IL6ST: variants seen among roughly 807,000 people sequenced by gnomAD.
IL6ST encodes the protein interleukin-6 receptor subunit beta.
Under a neutral mutation model 91.3 loss-of-function variants are expected in IL6ST, and 24 were observed. The observed-to-expected ratio is 0.26, with a 90% CI of 0.19 to 0.37. The LOEUF (loss-of-function observed/expected upper bound fraction) is 0.37, where lower values mean the gene tolerates loss of function less well. Ranked by LOEUF, IL6ST falls within the 10% of genes least tolerant of loss-of-function variation. The pLI, the probability that IL6ST is intolerant of heterozygous loss-of-function variation, is 1.00. For missense variants in IL6ST, 914 were observed against 1,078.5 expected (o/e 0.85, Z 2.14); for synonymous variants, 351 against 373.6 (o/e 0.94, Z 0.70).
chr5:55,939,924 T>G lies in IL6ST; in HGVS notation c.*1158A>C, dbSNP rs1206064084. ...TGCTAAGAACAAGATGTACATTTTT[T>G]GGGGTTCTGTTTTGTTTTGGCAAAT... On this transcript the variant is annotated 3_prime_UTR_variant, in exon 17 of 17. Transcript: ENST00000381298. The G allele has an allele frequency of 4.4e-5, 9 of 206,022 alleles. No homozygotes were observed. Among genetic ancestry groups the G allele is most frequent in the East Asian group, 1.5e-4 (2 of 13,482 alleles). 12.8% of individuals were successfully genotyped at this position (206,022 alleles called of 1,614,324 possible).
Position 55,944,965 on chromosome 5 carries a change from T to C in IL6ST, c.1938-2214A>G, listed in dbSNP as rs529221599. ...GACCTGTGACATTCTGGACTATTTC[T>C]GTGTTTATTTGTGGCCGAGTGTAAC... On this transcript the variant is annotated intron_variant, in intron 15 of 16. Transcript: ENST00000381298. 4.6e-5 allele frequency among the ~76,000 whole-genome samples: 7 copies of C among 151,584 alleles called. No homozygotes were observed. In the South Asian group the frequency reaches 1.5e-3, roughly 32 times the overall value.
At chr5:55,983,000 CT>C (rs111793262) in intron 1 of IL6ST, among the ~76,000 whole-genome samples, 189 bp from the exon 2 acceptor site, 5,277 of 136,682 alleles carry the variant, frequency 0.039, 143 homozygotes, top group African/African-American at 0.097. Context: ...TATTCTAGTG[CT>C]TTTTTTTTTT....
chr5:55,958,434 T>C lies in IL6ST; in HGVS notation c.974-1143A>G, dbSNP rs371729390. On this transcript the variant is annotated intron_variant, in intron 8 of 16. Coordinates refer to ENST00000381298, the MANE Select transcript of IL6ST (RefSeq NM_002184.4). ...TTACTTATCATTGTTAAGCTTTTTG[T>C]AAAAAGTTTGTCTTAAAAAAATCAA... is the stretch of plus-strand genomic sequence containing the variant. 2.6e-5 allele frequency among the ~76,000 whole-genome samples: 4 copies of C among 151,336 alleles called. No individual in the cohort carries two copies. The East Asian group carries it at 5.8e-4, about 22-fold the overall frequency.
intron 5 of IL6ST, 62 bp downstream of exon 5, chr5:55,968,214 A>C (rs1752751686): frequency 7.3e-7 from 1 of 1,367,868 alleles, no homozygotes; most frequent in Non-Finnish European, 1.0e-6. Context: ...GTAAAATAAA[A>C]ATTCCAGCAA....
chr5:55,984,268 C>A (rs2111909062), intron 1 of IL6ST, among the ~76,000 whole-genome samples: 1 of 152,288 alleles, frequency 6.6e-6, no homozygotes, highest in African/African-American at 2.4e-5. Context: ...AACCCCTGTT[C>A]TAAATACAAT....
Position 55,938,981 on chromosome 5 carries a change from C to A in IL6ST, c.*2101G>T, listed in dbSNP as rs1462139713. Reference sequence around the variant, plus strand: ...CCTTCAATGATCCTCCATTCTCATTCCTGTAGATTAAGAGTTCATATTGTA... The same window carrying A: ...CCTTCAATGATCCTCCATTCTCATTACTGTAGATTAAGAGTTCATATTGTA... On this transcript the variant is annotated 3_prime_UTR_variant, in exon 17 of 17. Coordinates refer to ENST00000381298, the MANE Select transcript of IL6ST (RefSeq NM_002184.4). 2.0e-5 allele frequency: 4 copies of A among 204,320 alleles called. No homozygotes were observed. Among genetic ancestry groups the A allele is most frequent in the Admixed American group, 6.0e-5 (1 of 16,766 alleles). 12.7% of individuals were successfully genotyped at this position (204,320 alleles called of 1,614,324 possible).
rs1344341991 is a variant in IL6ST, at chr5:55,972,085, A to C, written c.65-2230T>G. On this transcript the variant is annotated intron_variant, in intron 3 of 16. Transcript: ENST00000381298. ...TAGACATCACTTTATTCTTTGGCAAAATCACTTGTTATACTTTCTCTAAAG... is the reference window on the plus strand; with the variant it reads ...TAGACATCACTTTATTCTTTGGCAACATCACTTGTTATACTTTCTCTAAAG... 3.9e-5 allele frequency among the ~76,000 whole-genome samples: 6 copies of C among 152,326 alleles called. No homozygotes were observed. In the South Asian group the frequency reaches 1.2e-3, roughly 32 times the overall value.
At position 55,935,265 on chromosome 5, in the gene IL6ST, A is replaced by G. The variant is rs1750435375; in HGVS notation, c.*5817T>C. ...AAAAAAAGCTCAAAAATAAGAAATG[A>G]CAATTCTAGATACACTTTTTTGACA... On this transcript the variant is annotated 3_prime_UTR_variant, in exon 17 of 17. Transcript: ENST00000381298. 1 of 186,678 alleles carries G rather than the reference A, an allele frequency of 5.4e-6. No homozygotes were observed. The highest frequency in any genetic ancestry group is 1.1e-5 in the Non-Finnish European group (1 of 88,370). 11.6% of individuals were successfully genotyped at this position (186,678 alleles called of 1,614,324 possible).
chr5:55,935,182 T>C lies in IL6ST; in HGVS notation c.*5900A>G, dbSNP rs1276438280. The stretch of plus-strand genomic sequence containing the variant: ...TTATCCCAGAAAGACTACAATTTCA[T>C]ACAGAATGCACAGATGTTTAAATAA... On this transcript the variant is annotated 3_prime_UTR_variant, in exon 17 of 17. Coordinates refer to ENST00000381298, the MANE Select transcript of IL6ST (RefSeq NM_002184.4). The C allele has an allele frequency of 5.6e-6, 1 of 179,702 alleles. No individual in the cohort carries two copies. The highest frequency in any genetic ancestry group is 1.2e-5 in the Non-Finnish European group (1 of 83,964). 11.1% of individuals were successfully genotyped at this position (179,702 alleles called of 1,614,324 possible).
chr5:55,951,776 C>G, intron 13 of IL6ST, 153 bp downstream of exon 13: 1 of 780,424 alleles, frequency 1.3e-6, no homozygotes, highest in Non-Finnish European at 2.0e-6. Flanking sequence ...AATACTTTTT[C>G]AATAAATCCA....
rs545955181 is a variant in IL6ST at position 55,935,525 on chromosome 5, T to C, written c.*5557A>G. 66 of 215,858 alleles carry C rather than the reference T, an allele frequency of 3.1e-4. No homozygotes were observed. Among genetic ancestry groups the C allele is most frequent in the African/African-American group, 1.4e-3 (64 of 44,416 alleles). 13.4% of individuals were successfully genotyped at this position (215,858 alleles called of 1,614,324 possible). A position where few individuals can be genotyped will look rare whatever the true frequency, so the allele number is the denominator to read the frequency against. ...CAGCCTTTCCATGATCTTACTAAGT[T>C]GTCCAAGAGCCAACCCCGATCAGCA... On this transcript the variant is annotated 3_prime_UTR_variant, in exon 17 of 17. Coordinates refer to ENST00000381298, the MANE Select transcript of IL6ST (RefSeq NM_002184.4).
chr5:55,946,197 C>A (rs1475061859), intron 15 of IL6ST, among the ~76,000 whole-genome samples: 4 of 152,014 alleles, frequency 2.6e-5, no homozygotes, highest in African/African-American at 9.7e-5. Context: ...TACTACACAC[C>A]CACTAGAATG....
At chr5:55,964,663 C>CTTTTTTTTTTTTTTTTTTTT (rs1752538058) in intron 5 of IL6ST, among the ~76,000 whole-genome samples, 1 of 152,102 alleles carries the variant, frequency 6.6e-6, no homozygotes, top group African/African-American at 2.4e-5. Context: ...CCACAAATTT[C>CTTTTTTTTTTTTTTTTTTTT]TTTAAGCACA....
chr5:55,988,413 C>T (rs1046309430), intron 1 of IL6ST, among the ~76,000 whole-genome samples: 13 of 152,244 alleles, frequency 8.5e-5, no homozygotes, highest in Non-Finnish European at 1.8e-4. Context: ...AACAAAACAT[C>T]ATCAAAAAAT....
intron 3 of IL6ST, among the ~76,000 whole-genome samples, chr5:55,974,064 C>A (rs564655194): frequency 1.8e-4 from 27 of 152,312 alleles, no homozygotes; most frequent in African/African-American, 6.5e-4. Flanking sequence ...AGAATTTTCA[C>A]TGATCACTAG....
At position 55,969,684 on chromosome 5, in the gene IL6ST, T is replaced by C. The variant is rs1752847991; in HGVS notation, c.236A>G (p.Tyr79Cys). ...GGATGCTGTTCTGTTTATGATAGTA[T>C]ATTGCTCCTTAGGAATAGTAAAATG... ...TNHFTIPKEQ[Y>C]TIINRTASSV... The change falls in exon 4 of 17, where the codon TAT becomes TGT. Residue 79 changes from tyrosine (Y) to cysteine (C), a missense_variant. Physicochemically the swap from Tyr to Cys is radical, Grantham distance 194. Coordinates refer to ENST00000381298, the MANE Select transcript of IL6ST (RefSeq NM_002184.4). 3 of 1,612,408 alleles carry C rather than the reference T, an allele frequency of 1.9e-6. No individual in the cohort carries two copies. The highest frequency in any genetic ancestry group is 3.3e-5 in the Admixed American group (2 of 60,000).
intron 11 of IL6ST, among the ~76,000 whole-genome samples, 167 bp from the exon 12 acceptor site, chr5:55,952,518 G>A (rs1472957424): frequency 6.6e-6 from 1 of 152,142 alleles, no homozygotes; most frequent in Non-Finnish European, 1.5e-5. Context: ...GCTTAATCAG[G>A]TAAAACTGTC....
chr5:55,975,241 C>T (rs1226127279), intron 3 of IL6ST, among the ~76,000 whole-genome samples: 1 of 152,124 alleles, frequency 6.6e-6, no homozygotes, highest in Non-Finnish European at 1.5e-5. Flanking sequence ...GGATTTCTCA[C>T]TTGGTACTGC....
chr5:55,972,611 G>A (rs1753027085), intron 3 of IL6ST, among the ~76,000 whole-genome samples: 1 of 152,200 alleles, frequency 6.6e-6, no homozygotes, highest in African/African-American at 2.4e-5. Context: ...CTACCAGGCT[G>A]AGATTAAATT....
Sources: allele counts gnomAD v4.1 joint callset (sites outside exome capture counted in the v4.1 genomes callset), GRCh38; gene constraint gnomAD v4.1.1; transcripts MANE v1.5; gene names NCBI Gene and HGNC (gene_info 2026-07-23, HGNC 2026-07-21).